PCGF3: variants seen among roughly 807,000 people sequenced by gnomAD.
PCGF3 encodes the protein polycomb group ring finger 3.
A neutral mutation model predicts 33.1 loss-of-function variants in PCGF3; 7 were observed. The ratio of observed to expected loss-of-function variants is 0.21; its 90% CI spans 0.12 to 0.40. The LOEUF (loss-of-function observed/expected upper bound fraction) is 0.40. Among genes scored for constraint, PCGF3 ranks in the 10% least tolerant of loss-of-function variants. PCGF3 has a pLI of 1.00. For synonymous variants in PCGF3, 153 were observed against 121.3 expected, an observed-to-expected ratio of 1.26 and a Z score of -1.72; for missense variants, 211 against 313.3, an observed-to-expected ratio of 0.67 and a Z score of 2.46.
chr4:736,443 G>A (rs1455413057), intron 5 of PCGF3, among the ~76,000 whole-genome samples: 1 of 152,246 alleles, frequency 6.6e-6, no homozygotes, highest in Admixed American at 6.5e-5. Context: ...GGAAGCACTT[G>A]GTGGGAGGGG....
chr4:718,474 G>A (rs1005226082), intron 1 of PCGF3, among the ~76,000 whole-genome samples: 1 of 152,170 alleles, frequency 6.6e-6, no homozygotes, highest in South Asian at 2.1e-4. Context: ...GCAAATATTT[G>A]TATAAACACT....
At chr4:715,577 G>C (rs1172920083) in intron 1 of PCGF3, among the ~76,000 whole-genome samples, 8 of 110,200 alleles carry the variant, frequency 7.3e-5, no homozygotes, top group Middle Eastern at 7.2e-3. Context: ...CTGGGACCCT[G>C]TGGACACTGT....
intron 1 of PCGF3, among the ~76,000 whole-genome samples, chr4:726,411 C>G (rs938726904): frequency 6.6e-6 from 1 of 152,198 alleles, no homozygotes. Flanking sequence ...ACACAGCCCA[C>G]GGGGCACAGC....
intron 3 of PCGF3, among the ~76,000 whole-genome samples, chr4:733,469 G>A (rs1252625049): frequency 6.6e-6 from 1 of 152,176 alleles, no homozygotes; most frequent in African/African-American, 2.4e-5. Flanking sequence ...TTGAAAAGGT[G>A]GGCTTGTCCC....
chr4:767,029 C>G (rs1446384685), exon 11 of PCGF3: 1 of 152,314 alleles, frequency 6.6e-6, no homozygotes, highest in South Asian at 2.1e-4. Flanking sequence ...TGGCTTCGGG[C>G]TCATGCCCAG....
At chr4:718,259 G>T (rs34910327) in intron 1 of PCGF3, among the ~76,000 whole-genome samples, 1 of 151,954 alleles carries the variant, frequency 6.6e-6, no homozygotes, top group Admixed American at 6.6e-5. Context: ...GGGGGTCTGT[G>T]GGGTAGCCCC....
intron 8 of PCGF3, among the ~76,000 whole-genome samples, chr4:754,806 G>A (rs747026457): frequency 1.8e-4 from 27 of 152,228 alleles, no homozygotes; most frequent in Admixed American, 7.2e-4. Flanking sequence ...CTGCCTGCAC[G>A]GCCAGGGTGG....
At chr4:716,548 C>T (rs1333260181) in intron 1 of PCGF3, among the ~76,000 whole-genome samples, 6 of 135,458 alleles carry the variant, frequency 4.4e-5, no homozygotes, top group Non-Finnish European at 3.2e-5. Context: ...ACCCTGTGGA[C>T]ACTGCGAGTG....
intron 3 of PCGF3, among the ~76,000 whole-genome samples, chr4:733,100 GCCCCGT>G (rs1326919390): frequency 3.4e-5 from 5 of 149,002 alleles, no homozygotes; most frequent in African/African-American, 1.3e-4. Context: ...CTCCGCCCCT[GCCCCGT>G]GCTGCCTCAG....
chr4:763,829 A>G (rs1034879269), intron 9 of PCGF3, among the ~76,000 whole-genome samples: 4 of 152,242 alleles, frequency 2.6e-5, no homozygotes, highest in African/African-American at 9.6e-5. Flanking sequence ...AGATAAGTGG[A>G]AAAATAAACC....
At chr4:727,233 C>CTTTTTT (rs57690550) in intron 1 of PCGF3, among the ~76,000 whole-genome samples, 1,147 of 61,892 alleles carry the variant, frequency 0.019, 117 homozygotes, top group South Asian at 0.021. Flanking sequence ...TAGCGAGCGT[C>CTTTTTT]TTTTTTTTTT....
At chr4:744,801 A>G in intron 8 of PCGF3, 113 bp downstream of exon 8, 1 of 77,396 alleles carries the variant, frequency 1.3e-5, no homozygotes, top group Non-Finnish European at 2.5e-5. Flanking sequence ...AGGCGTGAGC[A>G]GGTGGGCGGG....
At position 769,581 on chromosome 4, in the gene PCGF3, G is replaced by A. The variant is rs1301156526; in HGVS notation, c.*3502G>A. On this transcript the variant is annotated 3_prime_UTR_variant, in exon 11 of 11. Transcript: ENST00000362003. ...ATTCAAATGATACCATAATTTGTAC[G>A]GGACAGGGTGCGGGCAATGGCCACG... is the stretch of plus-strand genomic sequence containing the variant. 3.9e-5 allele frequency: 6 copies of A among 152,570 alleles called. No homozygotes were observed. The East Asian group carries it at 5.8e-4, about 15-fold the overall frequency. The allele number at this position is 152,570 out of a possible 1,614,324, so 9.5% of individuals were successfully genotyped here.
At chr4:719,689 G>A (rs1301825209) in intron 1 of PCGF3, among the ~76,000 whole-genome samples, 1 of 152,336 alleles carries the variant, frequency 6.6e-6, no homozygotes, top group East Asian at 1.9e-4. Context: ...GGGGCAGGAC[G>A]GTGCAGGGCG....
At chr4:755,348 G>C (rs79911023) in intron 8 of PCGF3, among the ~76,000 whole-genome samples, 1 of 152,072 alleles carries the variant, frequency 6.6e-6, no homozygotes, top group African/African-American at 2.4e-5. Context: ...GCGACTCATC[G>C]CACGTCTCTG....
chr4:761,183 C>G (rs1304433455), intron 8 of PCGF3, 96 bp from the exon 9 acceptor site: 4 of 1,055,522 alleles, frequency 3.8e-6, no homozygotes, highest in Non-Finnish European at 5.3e-6. Context: ...GTCAGCAGTC[C>G]TAGATTGAGG....
Position 734,258 on chromosome 4 carries a change from C to T in PCGF3, c.109+469C>T, listed in dbSNP as rs916462914. Reference sequence around the variant, plus strand: ...TTTTTCTAAGTGTGGCTACCGCTGACGGGCAGGTGCCATCCATCAGGCTGA... The same window carrying T: ...TTTTTCTAAGTGTGGCTACCGCTGATGGGCAGGTGCCATCCATCAGGCTGA... On this transcript the variant is annotated intron_variant, in intron 4 of 10. Transcript: ENST00000362003. 54 of 1,474,392 alleles carry T rather than the reference C, an allele frequency of 3.7e-5. No individual in the cohort carries two copies. In the East Asian group the frequency reaches 7.7e-4, roughly 21 times the overall value. The allele number at this position is 1,474,392 out of a possible 1,614,324, so 91.3% of individuals were successfully genotyped here. A position where few individuals can be genotyped will look rare whatever the true frequency, so the allele number is the denominator to read the frequency against.
intron 8 of PCGF3, among the ~76,000 whole-genome samples, chr4:749,557 G>A (rs925551682): frequency 7.4e-6 from 1 of 134,892 alleles, no homozygotes; most frequent in Non-Finnish European, 1.5e-5. Flanking sequence ...CACAATCTTG[G>A]CTCACTGCAA....
intron 1 of PCGF3, among the ~76,000 whole-genome samples, chr4:712,989 T>C (rs1024516808): frequency 2.7e-5 from 4 of 150,122 alleles, no homozygotes; most frequent in Admixed American, 1.3e-4. Flanking sequence ...GTGGGAGCTG[T>C]GGGCCTCATG....
Sources: gnomAD v4.1 joint callset for allele counts (sites outside exome capture counted in the v4.1 genomes callset) on GRCh38, gnomAD v4.1.1 for gene constraint, MANE v1.5 for transcripts, NCBI Gene and HGNC (gene_info 2026-07-23, HGNC 2026-07-21) for gene names.